Variants in PLCG1 observed in about 807,000 individuals in gnomAD.
PLCG1 encodes the protein phospholipase C gamma 1, also known as 1-phosphatidylinositol 4,5-bisphosphate phosphodiesterase gamma-1.
PLCG1 carries 71 observed loss-of-function variants against 177.8 expected under a neutral mutation model. That is an observed-to-expected ratio of 0.40 (90% CI 0.33 to 0.49). The LOEUF (loss-of-function observed/expected upper bound fraction) is 0.49. Among genes scored for constraint, PLCG1 ranks in the 20% least tolerant of loss-of-function variants. The pLI, the probability that PLCG1 is intolerant of heterozygous loss-of-function variation, is 0.72. For synonymous variants in PLCG1, 658 were observed against 647.9 expected, an observed-to-expected ratio of 1.02 and a Z score of -0.24; for missense variants, 1,281 against 1,709.0, an observed-to-expected ratio of 0.75 and a Z score of 4.42.
rs2034948758 is a variant in PLCG1, at chr20:41,144,833, G to A, written c.217+6975G>A. Among the ~76,000 whole-genome samples, 1 of 151,964 alleles carries A rather than the reference G, an allele frequency of 6.6e-6. No individual in the cohort carries two copies. Among genetic ancestry groups the A allele is most frequent in the South Asian group, 2.1e-4 (1 of 4,810 alleles). On this transcript the variant is annotated intron_variant, in intron 1 of 31. Transcript: ENST00000685551. The surrounding 1 kb of genome is among the most constrained non-coding windows in gnomAD (Gnocchi z 4.1). ...GCAGTAGATCTCTAGCGTGGTTTGT[G>A]TTCCATCTCACCATACCTACTCTCC...
chr20:41,176,630 C>G lies in PLCG1; in HGVS notation c.*2121C>G, dbSNP rs2036072134. ...GACAGCTCTGCCTTTCTTAAGGCAG[C>G]TTTGTAGACCTGAGGCTCACCTCTC... On this transcript the variant is annotated 3_prime_UTR_variant, in exon 32 of 32. Transcript: ENST00000685551. 6.6e-6 allele frequency: 1 copy of G among 152,240 alleles called. No individual in the cohort carries two copies. The highest frequency in any genetic ancestry group is 1.5e-5 in the Non-Finnish European group (1 of 68,056). 9.4% of individuals were successfully genotyped at this position (152,240 alleles called of 1,614,324 possible).
chr20:41,138,159 C>T (rs966623987), intron 1 of PLCG1, among the ~76,000 whole-genome samples: 1 of 152,150 alleles, frequency 6.6e-6, no homozygotes, highest in Non-Finnish European at 1.5e-5. Flanking sequence ...GGCATCGGGC[C>T]CCCCAGACCC....
Position 41,163,798 on chromosome 20 carries a change from T to G in PLCG1, c.975T>G (p.Pro325=). Residue 325 remains proline, a synonymous_variant, in exon 10 of 32, where the codon CCT becomes CCG. Transcript: ENST00000685551. This position sits in a 1 kb window ranked among gnomAD's most constrained non-coding sequence, Gnocchi z 5.2. ...TATGCCCGGACACCATGAACAACCC[T>G]CTTTCCCACTACTGGATCTCCTCCT... The part of the protein sequence containing the change: ...DAVCPDTMNN[P]LSHYWISSSH... 2 of 1,613,766 alleles carry G rather than the reference T, an allele frequency of 1.2e-6. No homozygotes were observed. Among genetic ancestry groups the G allele is most frequent in the Non-Finnish European group, 1.7e-6 (2 of 1,179,644 alleles).
At chr20:41,162,414 G>A (rs752013418) in intron 4 of PLCG1, 38 bp from the exon 5 acceptor site, 8 of 1,526,294 alleles carry the variant, frequency 5.2e-6, no homozygotes, top group South Asian at 2.2e-5. Flanking sequence ...GTCATGAGAA[G>A]CTGGATGAGA....
At position 41,163,401 on chromosome 20, in the gene PLCG1, C is replaced by A. The variant is rs1391405789; in HGVS notation, c.813C>A (p.Leu271=). 1 of 1,613,308 alleles carries A rather than the reference C, an allele frequency of 6.2e-7. No individual in the cohort carries two copies. The highest frequency in any genetic ancestry group is 1.1e-5 in the South Asian group (1 of 91,050). Residue 271 remains leucine, a synonymous_variant, in exon 9 of 32, where the codon CTC becomes CTA. Transcript: ENST00000685551. The surrounding 1 kb of genome is among the most constrained non-coding windows in gnomAD (Gnocchi z 5.2). ...AGGAGCTGTGGGCTGTTGATCGCCT[C>A]CAGGTGCAGGAGTTCATGCTCAGCT... ...YQGELWAVDR[L]QVQEFMLSFL...
chr20:41,163,262 T>G lies in PLCG1; in HGVS notation c.776T>G (p.Leu259Arg), dbSNP rs750602550. 2 of 1,560,054 alleles carry G rather than the reference T, an allele frequency of 1.3e-6. No homozygotes were observed. The highest frequency in any genetic ancestry group is 1.7e-6 in the Non-Finnish European group (2 of 1,155,306). ...CTTCCTGAGTTCCAGCAGTTCCTTC[T>G]TGACTACCAGGGGGTATGGCTGGGC... ...VSLPEFQQFL[L>R]DYQGELWAVD... The change falls in exon 8 of 32, where the codon CTT (leucine) becomes CGT (arginine). Residue 259 changes from leucine (L) to arginine (R), a missense_variant. Around this residue, in one of 4 missense-constraint regions of PLCG1, gnomAD observed 374 missense variants for 443.8 expected, o/e 0.84. Coordinates refer to ENST00000685551, the MANE Select transcript of PLCG1 (RefSeq NM_002660.3). This position sits in a 1 kb window ranked among gnomAD's most constrained non-coding sequence, Gnocchi z 5.2.
intron 4 of PLCG1, among the ~76,000 whole-genome samples, chr20:41,161,293 C>T (rs562418942): frequency 6.6e-6 from 1 of 152,040 alleles, no homozygotes; most frequent in African/African-American, 2.4e-5. Flanking sequence ...GTGAGAAGAG[C>T]GGTGTCACCC....
Position 41,170,516 on chromosome 20 carries a change from A to G in PLCG1, c.2808+247A>G, listed in dbSNP as rs2146057938. On this transcript the variant is annotated intron_variant, in intron 24 of 31. Transcript: ENST00000685551. ...TTGAAGTGGGTCTGCTTAGTGGGCAATTGGATACACAAGACCAGAGGTAAG... is the reference window on the plus strand; with the variant it reads ...TTGAAGTGGGTCTGCTTAGTGGGCAGTTGGATACACAAGACCAGAGGTAAG... The G allele has an allele frequency of 8.2e-6, 4 of 485,828 alleles. No individual in the cohort carries two copies. The East Asian group carries it at 1.1e-4, about 13-fold the overall frequency. The allele number at this position is 485,828 out of a possible 1,614,324, so 30.1% of individuals were successfully genotyped here.
rs1218846898 is a variant in PLCG1 at position 41,156,855 on chromosome 20, C to G, written c.218-2751C>G. On this transcript the variant is annotated intron_variant, in intron 1 of 31. Transcript: ENST00000685551. This position sits in a 1 kb window ranked among gnomAD's most constrained non-coding sequence, Gnocchi z 5.0. ...TGCCACCAGGGCAGAGGCCATTCCT[C>G]TCTGGGGAGTCTCCTTGTGAATTTC... Among the ~76,000 whole-genome samples the G allele has an allele frequency of 6.6e-6, 1 of 152,238 alleles. No homozygotes were observed. Among genetic ancestry groups the G allele is most frequent in the African/African-American group, 2.4e-5 (1 of 41,460 alleles).
At position 41,137,596 on chromosome 20, in the gene PLCG1, C is replaced by A; in HGVS notation, c.-46C>A. ...TCAGCCGCCGCCGTTGCGCTTGCTC[C>A]CGGGCGGTCCTGGCCTGTGCCGCCG... On this transcript the variant is annotated 5_prime_UTR_variant, in exon 1 of 32. Coordinates refer to ENST00000685551, the MANE Select transcript of PLCG1 (RefSeq NM_002660.3). The surrounding 1 kb of genome is among the most constrained non-coding windows in gnomAD (Gnocchi z 7.3). The A allele has an allele frequency of 8.4e-7, 1 of 1,191,936 alleles. No homozygotes were observed. The highest frequency in any genetic ancestry group is 1.1e-6 in the Non-Finnish European group (1 of 936,998). 73.8% of individuals were successfully genotyped at this position (1,191,936 alleles called of 1,614,324 possible).
intron 20 of PLCG1, 111 bp downstream of exon 20, chr20:41,168,040 G>A (rs1043657084): frequency 2.7e-5 from 21 of 784,342 alleles, no homozygotes; most frequent in Middle Eastern, 3.5e-4. Context: ...TGGTGGTTGT[G>A]GTTTTCCGAG....
rs374974182 is a variant in PLCG1 at position 41,154,214 on chromosome 20, C to T, written c.218-5392C>T. Among the ~76,000 whole-genome samples, 83 of 152,282 alleles carry T rather than the reference C, an allele frequency of 5.5e-4. 1 individual carries two copies. The East Asian group carries it at 5.6e-3, about 10-fold the overall frequency. ...CTCTACACCCTTTTTGCCTGCTGAGCGGTTAACAGGCTTATAAATTTGGGG... is the reference window on the plus strand; with the variant it reads ...CTCTACACCCTTTTTGCCTGCTGAGTGGTTAACAGGCTTATAAATTTGGGG... On this transcript the variant is annotated intron_variant, in intron 1 of 31. Coordinates refer to ENST00000685551, the MANE Select transcript of PLCG1 (RefSeq NM_002660.3).
Position 41,157,202 on chromosome 20 carries a change from C to CT in PLCG1, c.218-2403dup, listed in dbSNP as rs1491358367. 5.1e-5 allele frequency among the ~76,000 whole-genome samples: 3 copies of CT among 59,336 alleles called. No homozygotes were observed. Among genetic ancestry groups the CT allele is most frequent in the Admixed American group, 2.0e-4 (1 of 5,044 alleles). 38.9% of individuals were successfully genotyped at this position (59,336 alleles called of 152,430 possible). A position where few individuals can be genotyped will look rare whatever the true frequency, so the allele number is the denominator to read the frequency against. ...ATGTGCAGGAGTGCAGGCCTGTTGA[C>CT]TCTGTGTGTGTGTGTGTGTGTGTGT... On this transcript the variant is annotated intron_variant, in intron 1 of 31. Coordinates refer to ENST00000685551, the MANE Select transcript of PLCG1 (RefSeq NM_002660.3). The surrounding 1 kb of genome is among the most constrained non-coding windows in gnomAD (Gnocchi z 5.4).
chr20:41,166,579 T>C lies in PLCG1; in HGVS notation c.2104T>C (p.Tyr702His), dbSNP rs559169461. 1.2e-6 allele frequency: 2 copies of C among 1,614,182 alleles called. No individual in the cohort carries two copies. Among genetic ancestry groups the C allele is most frequent in the East Asian group, 2.2e-5 (1 of 44,884 alleles). Reference protein sequence around the residue: ...LVRKRNEPNSYAISFRAEGKI... With the variant: ...LVRKRNEPNSHAISFRAEGKI... ...GCGGAAGCGGAATGAACCCAACTCA[T>C]ATGCCATCTCTTTCCGGTGAGGGGT... The change falls in exon 18 of 32, where the codon TAT (tyrosine) becomes CAT (histidine). Residue 702 changes from tyrosine to histidine, a missense_variant. Coordinates refer to ENST00000685551, the MANE Select transcript of PLCG1 (RefSeq NM_002660.3). This position sits in a 1 kb window ranked among gnomAD's most constrained non-coding sequence, Gnocchi z 8.6.
At chr20:41,152,742 C>T in intron 1 of PLCG1, among the ~76,000 whole-genome samples, 1 of 152,234 alleles carries the variant, frequency 6.6e-6, no homozygotes, top group East Asian at 1.9e-4. Context: ...GTGGTTTCTT[C>T]CTTGGAGGAG....
chr20:41,169,157 C>G lies in PLCG1; in HGVS notation c.2562C>G (p.Ala854=), dbSNP rs755268015. 28 of 1,613,058 alleles carry G rather than the reference C, an allele frequency of 1.7e-5. No homozygotes were observed. Among genetic ancestry groups the G allele is most frequent in the Admixed American group, 1.0e-4 (6 of 60,026 alleles). The stretch of plus-strand genomic sequence containing the variant: ...TGGAAGAGATGGTCAACCCCGTGGC[C>G]CTGGAGCCGGAGAGGGAGGTAAGAC... ...NYVEEMVNPV[A]LEPEREHLDE... is the part of the protein sequence containing the mutation. The change falls in exon 22 of 32, where the codon GCC becomes GCG. Residue 854 remains alanine, a synonymous_variant. Transcript: ENST00000685551.
Position 41,163,030 on chromosome 20 carries a change from C to T in PLCG1, c.716+38C>T, listed in dbSNP as rs978070348. 1 of 1,600,808 alleles carries T rather than the reference C, an allele frequency of 6.2e-7. No homozygotes were observed. The highest frequency in any genetic ancestry group is 2.2e-5 in the East Asian group (1 of 44,818). ...GTGGGGAGGTGGGGTTTTCCCTGGG[C>T]CCCCTTCATCTCTCCACTGGGCGAT... is the stretch of plus-strand genomic sequence containing the variant. On this transcript the variant is annotated intron_variant, in intron 7 of 31. Transcript: ENST00000685551. The surrounding 1 kb of genome is among the most constrained non-coding windows in gnomAD (Gnocchi z 5.2).
chr20:41,162,069 C>T (rs2035517248), intron 4 of PLCG1, among the ~76,000 whole-genome samples: 1 of 152,132 alleles, frequency 6.6e-6, no homozygotes, highest in Non-Finnish European at 1.5e-5. Context: ...GCCCTGCCTT[C>T]TGTCTTGGAT....
rs1348209467 is a variant in PLCG1, at chr20:41,146,549, G to A, written c.217+8691G>A. Among the ~76,000 whole-genome samples the A allele has an allele frequency of 2.0e-5, 3 of 152,212 alleles. No homozygotes were observed. Among genetic ancestry groups the A allele is most frequent in the Admixed American group, 6.5e-5 (1 of 15,288 alleles). ...TCTGGGCCCTGACAGTGAACAGCTGGCCAAACTGGTGAGGAGTTGGGCCAT... is the reference window on the plus strand; with the variant it reads ...TCTGGGCCCTGACAGTGAACAGCTGACCAAACTGGTGAGGAGTTGGGCCAT... On this transcript the variant is annotated intron_variant, in intron 1 of 31. Coordinates refer to ENST00000685551, the MANE Select transcript of PLCG1 (RefSeq NM_002660.3). The surrounding 1 kb of genome is among the most constrained non-coding windows in gnomAD (Gnocchi z 6.3).
Sources: gnomAD v4.1 joint callset for allele counts (sites outside exome capture counted in the v4.1 genomes callset) on GRCh38, gnomAD v4.1.1 for gene constraint, gnomAD v4.1.1 regional missense constraint, Gnocchi (gnomAD v3.1) non-coding constraint, MANE v1.5 for transcripts, NCBI Gene and HGNC (gene_info 2026-07-23, HGNC 2026-07-21) for gene names.